ASPH: variants seen among roughly 807,000 people sequenced by gnomAD.
The protein encoded by ASPH is aspartate beta-hydroxylase, also known as aspartyl/asparaginyl beta-hydroxylase.
A neutral mutation model predicts 118.4 loss-of-function variants in ASPH; 100 were observed. That is an observed-to-expected ratio of 0.84 (90% confidence interval 0.72 to 1.00). The LOEUF (loss-of-function observed/expected upper bound fraction) is 1.00. ASPH is among the 50% of genes least tolerant of loss of function. The pLI is 0.00. For missense variants in ASPH, 920 were observed against 919.5 expected, an observed-to-expected ratio of 1.00 and a Z score of -0.01; for synonymous variants, 315 against 325.6, an observed-to-expected ratio of 0.97 and a Z score of 0.35.
intron 5 of ASPH, 45 bp downstream of exon 5, chr8:61,651,005 C>T (rs747385133): frequency 3.7e-5 from 56 of 1,521,706 alleles, no homozygotes; most frequent in East Asian, 4.6e-5. Flanking sequence ...CATAACTAAG[C>T]GTTATTTTAG....
At chr8:61,612,835 C>T (rs995382279) in intron 14 of ASPH, among the ~76,000 whole-genome samples, 1 of 152,160 alleles carries the variant, frequency 6.6e-6, no homozygotes, top group Non-Finnish European at 1.5e-5. Flanking sequence ...AAGGCTTAAA[C>T]AAGAACCCAT....
At chr8:61,567,752 T>G (rs937814683) in intron 16 of ASPH, among the ~76,000 whole-genome samples, 3 of 152,224 alleles carry the variant, frequency 2.0e-5, no homozygotes, top group African/African-American at 4.8e-5. Context: ...GACAAAGCCC[T>G]TTTTGCTTCT....
intron 1 of ASPH, among the ~76,000 whole-genome samples, chr8:61,703,341 A>G (rs1835725139): frequency 6.6e-6 from 1 of 152,198 alleles, no homozygotes; most frequent in South Asian, 2.1e-4. Context: ...GACTGTTTCT[A>G]TTAATGGGCT....
At position 61,617,947 on chromosome 8, in the gene ASPH, A is replaced by AAAAG. The variant is rs1180435712; in HGVS notation, c.976+1027_976+1030dup. Among the ~76,000 whole-genome samples the AAAAG allele has an allele frequency of 5.1e-4, 77 of 150,750 alleles. 2 individuals are homozygous for AAAAG. The highest frequency in any genetic ancestry group is 7.5e-4 in the Non-Finnish European group (51 of 67,736). ...GACGCCATCTCAAAAAAAAAAAAAA[A>AAAAG]AAAGAAAGAAAGAAAGAAAGAAACA... is the stretch of plus-strand genomic sequence containing the variant. On this transcript the variant is annotated intron_variant, in intron 14 of 24. Transcript: ENST00000379454.
At chr8:61,686,746 C>G (rs1023949800) in intron 1 of ASPH, among the ~76,000 whole-genome samples, 4 of 152,074 alleles carry the variant, frequency 2.6e-5, no homozygotes, top group Non-Finnish European at 1.5e-5. Context: ...CTCTAAGAAT[C>G]AAATTGAATT....
chr8:61,549,865 A>G (rs1375661223), intron 20 of ASPH, among the ~76,000 whole-genome samples: 1 of 152,248 alleles, frequency 6.6e-6, no homozygotes, highest in Non-Finnish European at 1.5e-5. Context: ...AAATAAAAAC[A>G]GCAAACATTA....
At chr8:61,704,256 T>C (rs1015994457) in intron 1 of ASPH, among the ~76,000 whole-genome samples, 9 of 143,280 alleles carry the variant, frequency 6.3e-5, no homozygotes, top group African/African-American at 2.3e-4. Context: ...GAAACAGATT[T>C]ATACTTACAC....
At chr8:61,669,186 A>T (rs1821157659) in intron 3 of ASPH, among the ~76,000 whole-genome samples, 1 of 152,350 alleles carries the variant, frequency 6.6e-6, no homozygotes, top group African/African-American at 2.4e-5. Flanking sequence ...TTGCAGCTGT[A>T]AATTGTAAAA....
intron 3 of ASPH, chr8:61,676,092 C>A: frequency 1.3e-6 from 2 of 1,599,354 alleles, no homozygotes; most frequent in Non-Finnish European, 8.5e-7. Context: ...TTATGTAAAT[C>A]CAATATGACA....
chr8:61,711,112 C>G (rs1380016614), intron 1 of ASPH, among the ~76,000 whole-genome samples: 1 of 151,682 alleles, frequency 6.6e-6, no homozygotes, highest in East Asian at 1.9e-4. Flanking sequence ...TTACATAACC[C>G]CAAGCTTCAA....
intron 15 of ASPH, chr8:61,579,477 G>A: frequency 1.2e-6 from 2 of 1,603,764 alleles, no homozygotes; most frequent in East Asian, 2.2e-5. Context: ...CAGCGGCTAT[G>A]CAGGTGGTCT....
At position 61,694,538 on chromosome 8, in the gene ASPH, A is replaced by G. The variant is rs1833468296; in HGVS notation, c.104-10350T>C. Among the ~76,000 whole-genome samples the G allele has an allele frequency of 2.6e-5, 4 of 151,666 alleles. No homozygotes were observed. In the South Asian group the frequency reaches 8.3e-4, roughly 32 times the overall value. On this transcript the variant is annotated intron_variant, in intron 1 of 24. Transcript: ENST00000379454. ...AAACTTTCAGTCCTCATCTGACTTG[A>G]CCCTCTCAGCAGAACTCTCCCTCCT...
chr8:61,712,706 A>T (rs557961720), intron 1 of ASPH, among the ~76,000 whole-genome samples: 2 of 152,336 alleles, frequency 1.3e-5, no homozygotes, highest in Admixed American at 1.3e-4. Flanking sequence ...AAAATGCTTC[A>T]AATAGTTATG....
intron 1 of ASPH, among the ~76,000 whole-genome samples, chr8:61,689,158 A>T (rs1305828805): frequency 6.6e-6 from 1 of 152,186 alleles, no homozygotes; most frequent in East Asian, 1.9e-4. Context: ...TTCAAAGTTA[A>T]AGAGTCAATT....
rs36069979 is a variant in ASPH at position 61,550,477 on chromosome 8, AAGAGAGAGAG to A, written c.1627-2279_1627-2270del. Among the ~76,000 whole-genome samples the A allele has an allele frequency of 6.8e-4, 100 of 148,050 alleles. 1 individual carries two copies. The highest frequency in any genetic ancestry group is 1.6e-3 in the Admixed American group (24 of 14,836). On this transcript the variant is annotated intron_variant, in intron 20 of 24. Transcript: ENST00000379454. ...CACACACACACACACACATAAGAGAAAGAGAGAGAGAGAGAGAGAGAGACAGAGACAGAAA... is the reference window on the plus strand; with the variant it reads ...CACACACACACACACACATAAGAGAAAGAGAGAGAGAGACAGAGACAGAAA...
At chr8:61,594,335 C>A (rs944455018) in intron 14 of ASPH, among the ~76,000 whole-genome samples, 2 of 152,180 alleles carry the variant, frequency 1.3e-5, no homozygotes, top group African/African-American at 4.8e-5. Flanking sequence ...CTAACATCAT[C>A]TTTAAATAAT....
intron 1 of ASPH, among the ~76,000 whole-genome samples, chr8:61,707,635 T>C (rs188759007): frequency 5.9e-5 from 9 of 152,292 alleles, no homozygotes; most frequent in South Asian, 2.1e-4. Context: ...TGGGGAGAGA[T>C]AGGCACATAC....
intron 24 of ASPH, among the ~76,000 whole-genome samples, chr8:61,512,731 A>C (rs1034535283): frequency 6.6e-6 from 1 of 152,210 alleles, no homozygotes; most frequent in South Asian, 2.1e-4. Flanking sequence ...GATTGCCATA[A>C]GCATGAATCA....
At chr8:61,503,762 A>G (rs559596077) in intron 24 of ASPH, among the ~76,000 whole-genome samples, 1 of 152,376 alleles carries the variant, frequency 6.6e-6, no homozygotes, top group East Asian at 1.9e-4. Context: ...TGATGAAGAC[A>G]TATTGGTCTC....
Sources: allele counts gnomAD v4.1 joint callset (sites outside exome capture counted in the v4.1 genomes callset), GRCh38; gene constraint gnomAD v4.1.1; transcripts MANE v1.5; gene names NCBI Gene and HGNC (gene_info 2026-07-23, HGNC 2026-07-21).